Variants in USP22 observed in about 807,000 individuals in gnomAD.
The protein encoded by USP22 is ubiquitin specific peptidase 22.
Under a neutral mutation model 68.1 loss-of-function variants are expected in USP22, and 22 were observed. That is an observed-to-expected ratio of 0.32 (90% CI 0.23 to 0.46). The LOEUF is 0.46. Ranked by LOEUF, USP22 falls within the 20% of genes least tolerant of loss-of-function variation. USP22 has a pLI of 1.00. For synonymous variants in USP22, 279 were observed against 274.2 expected, an observed-to-expected ratio of 1.02 and a Z score of -0.17; for missense variants, 433 against 695.8, an observed-to-expected ratio of 0.62 and a Z score of 4.25.
intron 5 of USP22, 135 bp downstream of exon 5, chr17:21,017,807 A>G (rs898728024): frequency 7.1e-6 from 8 of 1,126,540 alleles, no homozygotes; most frequent in Non-Finnish European, 8.6e-6. Flanking sequence ...CATAATAGAC[A>G]TGTATATTAA....
At chr17:21,042,615 G>T (rs1597705059) in intron 1 of USP22, 50 bp downstream of exon 1, 1 of 1,258,028 alleles carries the variant, frequency 7.9e-7, no homozygotes, top group Non-Finnish European at 1.0e-6. Context: ...GCCGGCCTCA[G>T]GAGCGGCAGA....
At chr17:21,005,252 C>T (rs1406426128) in intron 10 of USP22, 1 of 465,940 alleles carries the variant, frequency 2.1e-6, no homozygotes, top group Non-Finnish European at 3.8e-6. Flanking sequence ...CTGAATAGGG[C>T]TGGTAATGGG....
At chr17:21,016,806 TCG>T (rs1208744340) in intron 5 of USP22, among the ~76,000 whole-genome samples, 2 of 152,138 alleles carry the variant, frequency 1.3e-5, no homozygotes, top group African/African-American at 2.4e-5. Flanking sequence ...ACGAGGGAGT[TCG>T]GAGAGGTAAC....
At position 21,002,489 on chromosome 17, in the gene USP22, TC is replaced by T. The variant is rs1597685442; in HGVS notation, c.*541del. On this transcript the variant is annotated 3_prime_UTR_variant, in exon 13 of 13. Transcript: ENST00000261497. ...GAAAACGCGACGTAGTGTCCGTACT[TC>T]CGAAGCTAGGAGGCTGCTTCACAGC... 1 of 153,618 alleles carries T rather than the reference TC, an allele frequency of 6.5e-6. No individual in the cohort carries two copies. Among genetic ancestry groups the T allele is most frequent in the African/African-American group, 2.4e-5 (1 of 41,442 alleles). The allele number at this position is 153,618 out of a possible 1,614,324, so 9.5% of individuals were successfully genotyped here. A position where few individuals can be genotyped will look rare whatever the true frequency, so the allele number is the denominator to read the frequency against.
Position 21,001,861 on chromosome 17 carries a change from A to T in USP22, c.*1170T>A, listed in dbSNP as rs1913591724. On this transcript the variant is annotated 3_prime_UTR_variant, in exon 13 of 13. Transcript: ENST00000261497. ...AGATATCTTACAAGAAACAATGCACATCCTTCTACTTTCTCTTTCAGCTCT... is the reference window on the plus strand; with the variant it reads ...AGATATCTTACAAGAAACAATGCACTTCCTTCTACTTTCTCTTTCAGCTCT... The T allele has an allele frequency of 6.6e-6, 1 of 152,240 alleles. No individual in the cohort carries two copies. The allele number at this position is 152,240 out of a possible 1,614,324, so 9.4% of individuals were successfully genotyped here.
At chr17:21,016,256 C>A (rs556828849) in intron 5 of USP22, among the ~76,000 whole-genome samples, 1 of 152,222 alleles carries the variant, frequency 6.6e-6, no homozygotes, top group Non-Finnish European at 1.5e-5. Context: ...GACACCAGCA[C>A]CTCCGCAAAG....
In USP22 at chr17:21,002,722, T is replaced by C. The variant is rs965404787; in HGVS notation, c.*309A>G. On this transcript the variant is annotated 3_prime_UTR_variant, in exon 13 of 13. Transcript: ENST00000261497. ...GCCAGGCAGCGGTCACTCTGTGCTGTGAGGCCCCCGTTGCACCCCCATGTC... is the reference window on the plus strand; with the variant it reads ...GCCAGGCAGCGGTCACTCTGTGCTGCGAGGCCCCCGTTGCACCCCCATGTC... 2.4e-5 allele frequency: 9 copies of C among 369,834 alleles called. No individual in the cohort carries two copies. In the Admixed American group the frequency reaches 3.5e-4, roughly 14 times the overall value. 22.9% of individuals were successfully genotyped at this position (369,834 alleles called of 1,614,324 possible).
chr17:21,029,148 C>T (rs1972258587), intron 1 of USP22, among the ~76,000 whole-genome samples: 1 of 152,196 alleles, frequency 6.6e-6, no homozygotes, highest in Non-Finnish European at 1.5e-5. Flanking sequence ...GAAAAAGGAG[C>T]AGGGCATTAC....
At chr17:21,019,913 A>G (rs2143577462) in intron 3 of USP22, among the ~76,000 whole-genome samples, 1 of 152,384 alleles carries the variant, frequency 6.6e-6, no homozygotes, top group Admixed American at 6.5e-5. Context: ...ACACTTAGTC[A>G]CAATGTTATT....
chr17:21,005,583 C>T (rs545907246), intron 10 of USP22, among the ~76,000 whole-genome samples: 21 of 152,292 alleles, frequency 1.4e-4, no homozygotes, highest in Non-Finnish European at 2.9e-4. Context: ...TCCCTCAGTA[C>T]GTGACCATCG....
rs1913646422 is a variant in USP22, at chr17:21,003,053, T to C, written c.1556A>G (p.Lys519Arg). The C allele has an allele frequency of 1.2e-6, 2 of 1,613,920 alleles. No homozygotes were observed. Among genetic ancestry groups the C allele is most frequent in the Non-Finnish European group, 1.7e-6 (2 of 1,179,926 alleles). The change falls in exon 13 of 13, where the codon AAA becomes AGA. Residue 519 changes from lysine to arginine, a missense_variant. Transcript: ENST00000261497. ...AGGCTACTCGTATTCCAGGAACTGT[T>C]TGTGATAGAACAGCAAGTACCTGTG... ...DSEGYLLFYH[K>R]QFLEYE is the part of the protein sequence containing the mutation.
intron 1 of USP22, among the ~76,000 whole-genome samples, chr17:21,040,044 G>T (rs545289132): frequency 6.6e-6 from 1 of 152,272 alleles, no homozygotes; most frequent in South Asian, 2.1e-4. Context: ...ACAAATATTA[G>T]CCGGTCGTGG....
intron 1 of USP22, among the ~76,000 whole-genome samples, chr17:21,036,896 A>C (rs1411231251): frequency 6.6e-6 from 1 of 152,178 alleles, no homozygotes; most frequent in Admixed American, 6.5e-5. Context: ...CCAGATCTTG[A>C]GATCTAATTC....
chr17:21,034,761 G>A (rs1361692578), intron 1 of USP22, among the ~76,000 whole-genome samples: 1 of 152,124 alleles, frequency 6.6e-6, no homozygotes, highest in African/African-American at 2.4e-5. Context: ...GAGTACTGAT[G>A]CTGCAATTTG....
At chr17:21,027,232 G>A (rs972307286) in intron 2 of USP22, among the ~76,000 whole-genome samples, 1 of 135,556 alleles carries the variant, frequency 7.4e-6, no homozygotes, top group Non-Finnish European at 1.5e-5. Flanking sequence ...AGGCCGCAGC[G>A]AGCCATGACC....
upstream of USP22, chr17:21,043,378 G>A (rs1972477112): frequency 4.4e-6 from 1 of 228,052 alleles, no homozygotes; most frequent in Non-Finnish European, 8.2e-6. Flanking sequence ...CCGCCTCCCG[G>A]GACCCTGGCG....
intron 1 of USP22, among the ~76,000 whole-genome samples, chr17:21,029,856 T>G (rs1371409804): frequency 6.6e-6 from 1 of 152,082 alleles, no homozygotes; most frequent in Non-Finnish European, 1.5e-5. Context: ...CCAACACAAC[T>G]CAGGACGTTG....
chr17:21,034,299 C>T (rs908063580), intron 1 of USP22, among the ~76,000 whole-genome samples: 2 of 152,136 alleles, frequency 1.3e-5, no homozygotes, highest in Admixed American at 6.6e-5. Context: ...AGGCTGGGAC[C>T]CAGCAGTTGC....
intron 12 of USP22, 73 bp from the exon 13 acceptor site, chr17:21,003,146 C>G (rs762775554): frequency 1.1e-5 from 17 of 1,569,794 alleles, no homozygotes; most frequent in Non-Finnish European, 1.4e-5. Context: ...CCACCCTACA[C>G]AAAAGCCTAC....
Sources: allele counts gnomAD v4.1 joint callset (sites outside exome capture counted in the v4.1 genomes callset), GRCh38; gene constraint gnomAD v4.1.1; transcripts MANE v1.5; gene names NCBI Gene and HGNC (gene_info 2026-07-23, HGNC 2026-07-21).